TLE4: variants seen among roughly 807,000 people sequenced by gnomAD.
TLE4 encodes the protein transducin-like enhancer protein 4.
Under a neutral mutation model 92.8 loss-of-function variants are expected in TLE4, and 8 were observed. That is an observed-to-expected ratio of 0.09 (90% confidence interval 0.05 to 0.16). The LOEUF (loss-of-function observed/expected upper bound fraction) is 0.16. Among genes scored for constraint, TLE4 ranks in the 10% least tolerant of loss-of-function variants. TLE4 has a pLI of 1.00. For missense variants in TLE4, 675 were observed against 997.6 expected, an observed-to-expected ratio of 0.68 and a Z score of 4.36; for synonymous variants, 371 against 374.1, an observed-to-expected ratio of 0.99 and a Z score of 0.10.
At chr9:79,653,312 ACT>A (rs996561031) in intron 7 of TLE4, among the ~76,000 whole-genome samples, 1 of 152,050 alleles carries the variant, frequency 6.6e-6, no homozygotes, top group Non-Finnish European at 1.5e-5. Flanking sequence ...TGTTGGTTTA[ACT>A]CTCTCTCTCA....
At chr9:79,647,962 A>G (rs780779340) in intron 6 of TLE4, among the ~76,000 whole-genome samples, 30 of 151,156 alleles carry the variant, frequency 2.0e-4, no homozygotes, top group Non-Finnish European at 2.8e-4. Flanking sequence ...ACATATAGAG[A>G]CAGATGAGAG....
At chr9:79,615,503 G>C (rs1424441468) in intron 5 of TLE4, among the ~76,000 whole-genome samples, 24 of 152,174 alleles carry the variant, frequency 1.6e-4, no homozygotes, top group Admixed American at 1.6e-3. Flanking sequence ...TCTGAAGTCA[G>C]GCTTTTTGGA....
chr9:79,615,455 A>G (rs1199225925), intron 5 of TLE4, among the ~76,000 whole-genome samples: 3 of 152,216 alleles, frequency 2.0e-5, no homozygotes, highest in Non-Finnish European at 4.4e-5. Flanking sequence ...AGAGTAGTGC[A>G]TAAGCTAACA....
intron 4 of TLE4, among the ~76,000 whole-genome samples, chr9:79,592,307 A>C (rs1587814114): frequency 8.3e-6 from 1 of 120,232 alleles, no homozygotes; most frequent in Non-Finnish European, 1.6e-5. Context: ...GCAGGGTCTC[A>C]CTCTGATGCC....
chr9:79,680,920 G>A (rs978821110), intron 8 of TLE4, among the ~76,000 whole-genome samples: 29 of 152,094 alleles, frequency 1.9e-4, no homozygotes, highest in African/African-American at 7.0e-4. Flanking sequence ...TTTATATGCT[G>A]GATTACATTT....
chr9:79,720,380 GTGTGTGTGTGTGTGTGTGTGTGT>G, intron 16 of TLE4, 87 bp downstream of exon 16: 7 of 800,160 alleles, frequency 8.7e-6, no homozygotes, highest in Middle Eastern at 3.9e-4. Flanking sequence ...AGGTATGGGT[GTGTGTGTGTGTGTGTGTGTGTGT>G]GTGTGTGTGT....
intron 8 of TLE4, 120 bp downstream of exon 8, chr9:79,654,195 C>T: frequency 1.0e-6 from 1 of 976,706 alleles, no homozygotes; most frequent in Non-Finnish European, 1.5e-6. Flanking sequence ...TAGTGGTTAA[C>T]TGCATTTTTA....
intron 8 of TLE4, among the ~76,000 whole-genome samples, chr9:79,692,567 T>C (rs1438938340): frequency 6.6e-6 from 1 of 152,162 alleles, no homozygotes. Flanking sequence ...CTATCTTAGT[T>C]TGTTCGGGGT....
At chr9:79,695,903 A>G (rs777747279) in intron 8 of TLE4, among the ~76,000 whole-genome samples, 7 of 152,178 alleles carry the variant, frequency 4.6e-5, no homozygotes, top group African/African-American at 7.2e-5. Context: ...TGAGAAGGAA[A>G]TTTTCAGATC....
chr9:79,652,363 A>G (rs2059158304), intron 6 of TLE4, among the ~76,000 whole-genome samples: 1 of 151,960 alleles, frequency 6.6e-6, no homozygotes, highest in Non-Finnish European at 1.5e-5. Context: ...ATGTTTTTGT[A>G]TTTTTAGTAG....
intron 8 of TLE4, among the ~76,000 whole-genome samples, chr9:79,682,240 G>GC (rs897976795): frequency 1.3e-5 from 2 of 151,578 alleles, no homozygotes; most frequent in African/African-American, 4.8e-5. Context: ...GGTTTTTTTT[G>GC]CATCTCATTC....
chr9:79,718,018 G>A (rs1375469902), intron 14 of TLE4: 2 of 456,650 alleles, frequency 4.4e-6, no homozygotes, highest in Non-Finnish European at 8.8e-6. Context: ...TTTACCACCT[G>A]AGGGCTTTCC....
intron 5 of TLE4, among the ~76,000 whole-genome samples, chr9:79,613,073 A>G (rs1196207064): frequency 6.6e-6 from 1 of 152,120 alleles, no homozygotes; most frequent in East Asian, 1.9e-4. Context: ...ACTCTGTACT[A>G]TTGTCATTGG....
At chr9:79,662,831 G>T (rs758826971) in intron 8 of TLE4, among the ~76,000 whole-genome samples, 1 of 152,182 alleles carries the variant, frequency 6.6e-6, no homozygotes, top group Non-Finnish European at 1.5e-5. Context: ...GGAAATGATT[G>T]TCTCCGTGTG....
chr9:79,586,947 T>C (rs910151990), intron 4 of TLE4, among the ~76,000 whole-genome samples: 2 of 152,190 alleles, frequency 1.3e-5, no homozygotes, highest in Admixed American at 1.3e-4. Context: ...TTTCCCTTTT[T>C]TTGTGTGGGT....
intron 14 of TLE4, among the ~76,000 whole-genome samples, chr9:79,712,106 G>T (rs894482921): frequency 6.6e-6 from 1 of 152,182 alleles, no homozygotes; most frequent in Non-Finnish European, 1.5e-5. Flanking sequence ...AAGATAATAT[G>T]TTGTGTGTTC....
At chr9:79,656,682 A>C (rs1233106472) in intron 8 of TLE4, among the ~76,000 whole-genome samples, 1 of 152,188 alleles carries the variant, frequency 6.6e-6, no homozygotes, top group East Asian at 1.9e-4. Flanking sequence ...ATGGTAGCAA[A>C]ATTTTGATTT....
At position 79,701,689 on chromosome 9, in the gene TLE4, C is replaced by T. The variant is rs559345533; in HGVS notation, c.610-3094C>T. Reference sequence around the variant, plus strand: ...CAAGGGCACCACAACACAAATCTTACTCTAGTGAATGGTCTCCCATGGAAT... The same window carrying T: ...CAAGGGCACCACAACACAAATCTTATTCTAGTGAATGGTCTCCCATGGAAT... On this transcript the variant is annotated intron_variant, in intron 8 of 19. Transcript: ENST00000376552. 7.2e-5 allele frequency among the ~76,000 whole-genome samples: 11 copies of T among 152,302 alleles called. No individual in the cohort carries two copies. The South Asian group carries it at 2.3e-3, about 32-fold the overall frequency.
intron 8 of TLE4, among the ~76,000 whole-genome samples, chr9:79,693,828 A>C (rs1240174793): frequency 6.6e-6 from 1 of 152,210 alleles, no homozygotes; most frequent in Admixed American, 6.5e-5. Flanking sequence ...TGATTGATCA[A>C]ATGGCATTCA....
Sources: allele counts gnomAD v4.1 joint callset (sites outside exome capture counted in the v4.1 genomes callset), GRCh38; gene constraint gnomAD v4.1.1; transcripts MANE v1.5; gene names NCBI Gene and HGNC (gene_info 2026-07-23, HGNC 2026-07-21).